The following FHOD3 variants were observed in gnomAD, a reference collection of about 807,000 sequenced individuals.
The protein encoded by FHOD3 is FH1/FH2 domain-containing protein 3.
Under a neutral mutation model 173.0 loss-of-function variants are expected in FHOD3, and 90 were observed. The observed-to-expected ratio is 0.52, with a 90% CI of 0.44 to 0.62. The LOEUF (loss-of-function observed/expected upper bound fraction) is 0.62. Ranked by LOEUF, FHOD3 falls within the 20% of genes least tolerant of loss-of-function variation. The probability of loss-of-function intolerance (pLI) is 0.00; values close to 1 mark genes in which losing one functional copy is unlikely to be tolerated. For synonymous variants in FHOD3, 828 were observed against 823.0 expected, an observed-to-expected ratio of 1.01 and a Z score of -0.10; for missense variants, 1,945 against 2,034.7, an observed-to-expected ratio of 0.96 and a Z score of 0.85.
intron 3 of FHOD3, among the ~76,000 whole-genome samples, chr18:36,499,609 G>A (rs1026414071): frequency 1.6e-4 from 24 of 152,176 alleles, no homozygotes; most frequent in Non-Finnish European, 2.9e-4. Flanking sequence ...AGCTGTGAAA[G>A]CTGGAAGAAG....
chr18:36,433,244 G>A (rs1171833588), intron 3 of FHOD3, among the ~76,000 whole-genome samples: 2 of 152,148 alleles, frequency 1.3e-5, no homozygotes, highest in East Asian at 1.9e-4. Flanking sequence ...TATATAGTGG[G>A]TACAGCAGAG....
chr18:36,303,875 AG>A (rs939124162), intron 1 of FHOD3, among the ~76,000 whole-genome samples: 89 of 151,946 alleles, frequency 5.9e-4, no homozygotes, highest in African/African-American at 2.1e-3. Context: ...TTGGGGGTGA[AG>A]GGGGAGCTGG....
intron 17 of FHOD3, among the ~76,000 whole-genome samples, chr18:36,708,854 C>T (rs2149670316): frequency 6.6e-6 from 1 of 152,286 alleles, no homozygotes; most frequent in Non-Finnish European, 1.5e-5. Context: ...CTGATTGGAT[C>T]CAACTCATCT....
intron 27 of FHOD3, among the ~76,000 whole-genome samples, chr18:36,763,846 C>A (rs1322001471): frequency 6.6e-6 from 1 of 152,030 alleles, no homozygotes; most frequent in African/African-American, 2.4e-5. Flanking sequence ...TCCCCAGACA[C>A]CCTAAGTATT....
chr18:36,440,691 T>G (rs944520344), intron 3 of FHOD3, among the ~76,000 whole-genome samples: 1 of 152,204 alleles, frequency 6.6e-6, no homozygotes, highest in Admixed American at 6.5e-5. Flanking sequence ...CTAAGCACCT[T>G]TATGGTAGAA....
At chr18:36,616,866 T>C (rs2033249358) in intron 9 of FHOD3, among the ~76,000 whole-genome samples, 2 of 152,242 alleles carry the variant, frequency 1.3e-5, no homozygotes, top group African/African-American at 4.8e-5. Context: ...ATATAGCCTA[T>C]CGAGGTGCAG....
intron 20 of FHOD3, among the ~76,000 whole-genome samples, chr18:36,734,583 A>G (rs929370398): frequency 2.0e-5 from 3 of 152,144 alleles, no homozygotes; most frequent in Non-Finnish European, 2.9e-5. Context: ...ACTCTCAGGC[A>G]TCACCTACTA....
At chr18:36,398,551 G>A (rs1456679158) in intron 3 of FHOD3, among the ~76,000 whole-genome samples, 4 of 152,200 alleles carry the variant, frequency 2.6e-5, no homozygotes, top group Admixed American at 2.6e-4. Context: ...CAGAGCCTGA[G>A]GGGAGTGGAG....
At chr18:36,492,347 A>G (rs1001885633) in intron 3 of FHOD3, among the ~76,000 whole-genome samples, 1 of 152,048 alleles carries the variant, frequency 6.6e-6, no homozygotes, top group Non-Finnish European at 1.5e-5. Flanking sequence ...TTCTCACATG[A>G]CATTGCCATG....
chr18:36,738,816 A>G (rs2041767524), intron 20 of FHOD3, among the ~76,000 whole-genome samples: 1 of 152,196 alleles, frequency 6.6e-6, no homozygotes, highest in South Asian at 2.1e-4. Context: ...CCAATGACAC[A>G]TTGTCTTAAT....
chr18:36,480,643 C>T (rs1470801372), intron 3 of FHOD3, among the ~76,000 whole-genome samples: 3 of 152,304 alleles, frequency 2.0e-5, no homozygotes, highest in African/African-American at 4.8e-5. Context: ...AGTCATATTG[C>T]CCACTGTTGT....
chr18:36,427,234 C>T (rs1309997880), intron 3 of FHOD3, among the ~76,000 whole-genome samples: 2 of 140,590 alleles, frequency 1.4e-5, no homozygotes, highest in African/African-American at 5.3e-5. Flanking sequence ...CGAGAAAGAT[C>T]ACACTGCCAG....
At chr18:36,646,471 CATA>C (rs1227073394) in intron 10 of FHOD3, among the ~76,000 whole-genome samples, 4 of 152,088 alleles carry the variant, frequency 2.6e-5, no homozygotes, top group Non-Finnish European at 5.9e-5. Context: ...ATAAATTCAA[CATA>C]ATCCCTATCA....
At chr18:36,623,200 A>T (rs1444453072) in intron 9 of FHOD3, among the ~76,000 whole-genome samples, 1 of 152,232 alleles carries the variant, frequency 6.6e-6, no homozygotes, top group Non-Finnish European at 1.5e-5. Context: ...ATTTCACTTC[A>T]TGCACACTGT....
chr18:36,595,830 T>C (rs762617618), intron 7 of FHOD3, among the ~76,000 whole-genome samples: 1 of 152,222 alleles, frequency 6.6e-6, no homozygotes, highest in Non-Finnish European at 1.5e-5. Context: ...TCTTCCCCAG[T>C]AGGACTCAGG....
intron 28 of FHOD3, among the ~76,000 whole-genome samples, chr18:36,773,633 C>T (rs985909127): frequency 6.6e-5 from 10 of 152,138 alleles, no homozygotes; most frequent in Non-Finnish European, 1.2e-4. Flanking sequence ...GACAGGTTCC[C>T]GCCACCTTTC....
chr18:36,680,047 A>G (rs1031712706), intron 14 of FHOD3, among the ~76,000 whole-genome samples: 2 of 152,244 alleles, frequency 1.3e-5, no homozygotes, highest in Non-Finnish European at 2.9e-5. Context: ...AATAGCTTAC[A>G]AAAGTTAGAA....
chr18:36,427,964 A>G (rs2050339613), intron 3 of FHOD3, among the ~76,000 whole-genome samples: 1 of 152,228 alleles, frequency 6.6e-6, no homozygotes, highest in Admixed American at 6.5e-5. Context: ...TGAACAAGGC[A>G]TGTTGTAGAT....
chr18:36,391,103 G>A (rs2146472037), intron 3 of FHOD3, among the ~76,000 whole-genome samples: 1 of 152,308 alleles, frequency 6.6e-6, no homozygotes, highest in East Asian at 1.9e-4. Flanking sequence ...TGCTTTTGCT[G>A]GAGCATCTCT....
Sources: gnomAD v4.1 joint callset for allele counts (sites outside exome capture counted in the v4.1 genomes callset) on GRCh38, gnomAD v4.1.1 for gene constraint, MANE v1.5 for transcripts, NCBI Gene and HGNC (gene_info 2026-07-23, HGNC 2026-07-21) for gene names.